The following ST18 variants were observed in gnomAD, a reference collection of about 807,000 sequenced individuals.
ST18 encodes ST18 C2H2C-type zinc finger transcription factor.
Under a neutral mutation model 110.0 loss-of-function variants are expected in ST18, and 50 were observed. That is an observed-to-expected ratio of 0.45 (90% CI 0.36 to 0.58). The LOEUF is 0.58. Among genes scored for constraint, ST18 ranks in the 20% least tolerant of loss-of-function variants. The pLI, the probability that ST18 is intolerant of heterozygous loss-of-function variation, is 0.00. For missense variants in ST18, 1,306 were observed against 1,280.1 expected, an observed-to-expected ratio of 1.02 and a Z score of -0.31; for synonymous variants, 461 against 452.4, an observed-to-expected ratio of 1.02 and a Z score of -0.24.
At position 52,282,418 on chromosome 8, in the gene ST18, A is replaced by G. The variant is rs541040597; in HGVS notation, c.-464-52341T>C. On this transcript the variant is annotated intron_variant, in intron 2 of 25. Coordinates refer to ENST00000689386, the MANE Select transcript of ST18 (RefSeq NM_001352837.2). ...TAATCATGTAACAGCTTAAATAGAA[A>G]AATTAAGTGTATGCTGATGGGTGGC... Among the ~76,000 whole-genome samples the G allele has an allele frequency of 1.3e-4, 20 of 152,288 alleles. No homozygotes were observed. In the South Asian group the frequency reaches 1.7e-3, roughly 13 times the overall value.
chr8:52,285,093 G>A (rs2095446678), intron 2 of ST18, among the ~76,000 whole-genome samples: 1 of 152,186 alleles, frequency 6.6e-6, no homozygotes, highest in Non-Finnish European at 1.5e-5. Flanking sequence ...TTGTTTGTGG[G>A]TTGCTTCTGA....
At chr8:52,239,310 A>G (rs574690847) in intron 2 of ST18, among the ~76,000 whole-genome samples, 11 of 152,232 alleles carry the variant, frequency 7.2e-5, no homozygotes, top group African/African-American at 2.6e-4. Flanking sequence ...TATACTAAAA[A>G]CCATTAAACT....
intron 8 of ST18, among the ~76,000 whole-genome samples, chr8:52,183,216 C>G (rs2070590016): frequency 6.6e-6 from 1 of 152,124 alleles, no homozygotes; most frequent in Non-Finnish European, 1.5e-5. Context: ...AGATGCCTGC[C>G]ACAGGACCTT....
In ST18 at chr8:52,113,202, A is replaced by G; in HGVS notation, c.3140T>C (p.Val1047Ala). Residue 1047 changes from valine to alanine, a missense_variant, in exon 26 of 26, where the codon GTG becomes GCG. Coordinates refer to ENST00000689386, the MANE Select transcript of ST18 (RefSeq NM_001352837.2). ...SIKQAVKGIH[V>A] ...TTGCCCGGCAGCGCTGTGATCCTAC[A>G]CATGGATACCCTTCACTGCCTGTTT... 4.3e-6 allele frequency: 7 copies of G among 1,613,924 alleles called. No homozygotes were observed. Among genetic ancestry groups the G allele is most frequent in the Non-Finnish European group, 5.9e-6 (7 of 1,179,908 alleles).
intron 8 of ST18, among the ~76,000 whole-genome samples, chr8:52,198,371 G>A (rs1008494982): frequency 1.3e-5 from 2 of 152,138 alleles, no homozygotes; most frequent in African/African-American, 4.8e-5. Context: ...AAACACAGAT[G>A]TTTGGCTCAT....
At chr8:52,394,851 A>C (rs1840549402) in intron 2 of ST18, among the ~76,000 whole-genome samples, 1 of 152,340 alleles carries the variant, frequency 6.6e-6, no homozygotes, top group Non-Finnish European at 1.5e-5. Flanking sequence ...TACCTTTTTC[A>C]AAACCAGTCT....
intron 2 of ST18, among the ~76,000 whole-genome samples, chr8:52,241,055 C>T (rs1436743379): frequency 6.6e-6 from 1 of 152,238 alleles, no homozygotes; most frequent in Non-Finnish European, 1.5e-5. Context: ...AACCATTCAT[C>T]TGGTAATCCA....
intron 2 of ST18, among the ~76,000 whole-genome samples, chr8:52,310,049 A>G (rs1436744754): frequency 6.6e-6 from 1 of 152,194 alleles, no homozygotes; most frequent in East Asian, 1.9e-4. Context: ...TAGTCATTCA[A>G]ATCCTCACTT....
At chr8:52,193,339 G>C (rs1190522636) in intron 8 of ST18, among the ~76,000 whole-genome samples, 1 of 152,208 alleles carries the variant, frequency 6.6e-6, no homozygotes, top group Non-Finnish European at 1.5e-5. Context: ...GTGGGGAGCT[G>C]ATGGGCGTTA....
intron 2 of ST18, among the ~76,000 whole-genome samples, chr8:52,351,798 GC>G (rs1820447776): frequency 6.6e-6 from 1 of 152,156 alleles, no homozygotes; most frequent in African/African-American, 2.4e-5. Context: ...AGGACAAATG[GC>G]ATGACCTTCG....
chr8:52,284,781 G>C (rs1476905234), intron 2 of ST18, among the ~76,000 whole-genome samples: 1 of 152,126 alleles, frequency 6.6e-6, no homozygotes, highest in Non-Finnish European at 1.5e-5. Flanking sequence ...AACTCTCAGG[G>C]GGACTGGAGT....
At chr8:52,125,559 C>T (rs1355273788) in intron 23 of ST18, among the ~76,000 whole-genome samples, 1 of 152,134 alleles carries the variant, frequency 6.6e-6, no homozygotes, top group Admixed American at 6.6e-5. Context: ...TCATATCTCA[C>T]TACATCAGCC....
chr8:52,221,109 A>G (rs1230260705), intron 4 of ST18, among the ~76,000 whole-genome samples: 1 of 151,468 alleles, frequency 6.6e-6, no homozygotes, highest in Non-Finnish European at 1.5e-5. Flanking sequence ...CTATCTATCT[A>G]TCTATCTATC....
chr8:52,388,398 T>C (rs1301380249), intron 2 of ST18, among the ~76,000 whole-genome samples: 2 of 151,910 alleles, frequency 1.3e-5, no homozygotes, highest in African/African-American at 2.4e-5. Context: ...CAACTCCCAC[T>C]TCCACAACAA....
intron 2 of ST18, among the ~76,000 whole-genome samples, chr8:52,331,199 C>T (rs990037804): frequency 2.0e-5 from 3 of 152,142 alleles, no homozygotes; most frequent in African/African-American, 4.8e-5. Context: ...TCAATTAGCA[C>T]ACTGTACATC....
intron 2 of ST18, among the ~76,000 whole-genome samples, chr8:52,388,610 G>GCA (rs1373386916): frequency 1.3e-5 from 2 of 152,086 alleles, no homozygotes; most frequent in East Asian, 3.9e-4. Flanking sequence ...TTCGCACGGC[G>GCA]CACGATGGCG....
At position 52,161,420 on chromosome 8, in the gene ST18, G is replaced by C. The variant is rs1464222305; in HGVS notation, c.1549C>G (p.Leu517Val). 5 of 1,614,068 alleles carry C rather than the reference G, an allele frequency of 3.1e-6. No homozygotes were observed. Among genetic ancestry groups the C allele is most frequent in the Admixed American group, 3.3e-5 (2 of 60,000 alleles). ...TTTCGTCCTTGCACTGTTTGTATGA[G>C]AGGGCGTTTACCGAAAACTTGGGCA... ...FDAQVFGKRP[L>V]IQTVQGRKTP... The change falls in exon 14 of 26, where the codon CTC becomes GTC. Residue 517 changes from leucine to valine, a missense_variant. Leu to Val is a conservative substitution (Grantham distance 32). Coordinates refer to ENST00000689386, the MANE Select transcript of ST18 (RefSeq NM_001352837.2).
In ST18 at chr8:52,323,610, T is replaced by G. The variant is rs561151916; in HGVS notation, c.-465+85718A>C. 7.9e-5 allele frequency among the ~76,000 whole-genome samples: 12 copies of G among 152,322 alleles called. No individual in the cohort carries two copies. In the East Asian group the frequency reaches 2.3e-3, roughly 29 times the overall value. On this transcript the variant is annotated intron_variant, in intron 2 of 25. Coordinates refer to ENST00000689386, the MANE Select transcript of ST18 (RefSeq NM_001352837.2). Reference sequence around the variant, plus strand: ...GAGTAACTCTGCAGTCAAGCTCAGGTACCAACAGGGTCTCTTTTGAGTATT... The same window carrying G: ...GAGTAACTCTGCAGTCAAGCTCAGGGACCAACAGGGTCTCTTTTGAGTATT...
At chr8:52,343,895 A>G (rs1395851707) in intron 2 of ST18, among the ~76,000 whole-genome samples, 5 of 152,342 alleles carry the variant, frequency 3.3e-5, no homozygotes, top group Admixed American at 2.6e-4. Flanking sequence ...ATTATACTCT[A>G]TTGGGAAGGT....
Sources: gnomAD v4.1 joint callset for allele counts (sites outside exome capture counted in the v4.1 genomes callset) on GRCh38, gnomAD v4.1.1 for gene constraint, MANE v1.5 for transcripts, NCBI Gene and HGNC (gene_info 2026-07-23, HGNC 2026-07-21) for gene names.